RAB5A: variants seen among roughly 807,000 people sequenced by gnomAD.
The protein encoded by RAB5A is ras-related protein Rab-5A.
RAB5A carries 8 observed loss-of-function variants against 25.7 expected under a neutral mutation model. The ratio of observed to expected loss-of-function variants is 0.31; its 90% confidence interval spans 0.18 to 0.56. RAB5A has a LOEUF of 0.56. Ranked by LOEUF, RAB5A falls within the 20% of genes least tolerant of loss-of-function variation. RAB5A has a pLI of 0.91. For synonymous variants in RAB5A, 98 were observed against 89.8 expected (o/e 1.09, Z -0.52); for missense variants, 192 against 259.7 (o/e 0.74, Z 1.79).
At chr3:19,964,753 A>G (rs1288251427) in intron 2 of RAB5A, among the ~76,000 whole-genome samples, 1 of 152,134 alleles carries the variant, frequency 6.6e-6, no homozygotes, top group Non-Finnish European at 1.5e-5. Flanking sequence ...CTGGGACTAC[A>G]GGCGCATGTC....
intron 5 of RAB5A, 122 bp downstream of exon 5, chr3:19,978,525 G>A: frequency 3.2e-6 from 2 of 631,816 alleles, no homozygotes; most frequent in South Asian, 2.0e-5. Context: ...GTTTATGTGT[G>A]TGTGTGAGAG....
intron 5 of RAB5A, among the ~76,000 whole-genome samples, chr3:19,980,725 C>T (rs1696909695): frequency 6.6e-6 from 1 of 152,120 alleles, no homozygotes; most frequent in African/African-American, 2.4e-5. Context: ...TTCAACATTT[C>T]TGGGGCTTTG....
chr3:19,960,398 C>G (rs567056698), intron 2 of RAB5A, among the ~76,000 whole-genome samples: 1 of 152,130 alleles, frequency 6.6e-6, no homozygotes, highest in Admixed American at 6.6e-5. Context: ...CTTCTGGGCT[C>G]CAGCCATCTT....
At chr3:19,981,082 G>A (rs992807689) in intron 5 of RAB5A, among the ~76,000 whole-genome samples, 5 of 152,138 alleles carry the variant, frequency 3.3e-5, no homozygotes, top group African/African-American at 7.2e-5. Context: ...AGATCAGTGT[G>A]TGCAGCCACT....
chr3:19,975,932 C>G, intron 3 of RAB5A, 115 bp from the exon 4 acceptor site: 1 of 1,400,108 alleles, frequency 7.1e-7, no homozygotes, highest in Non-Finnish European at 9.6e-7. Context: ...TACAATAGTC[C>G]TAATAATTTC....
chr3:19,980,494 G>C (rs1462291488), intron 5 of RAB5A, among the ~76,000 whole-genome samples: 1 of 148,002 alleles, frequency 6.8e-6, no homozygotes, highest in Non-Finnish European at 1.5e-5. Context: ...TGATAGATTA[G>C]TAACTTAAAT....
At chr3:19,981,789 G>GT (rs1479727749) in intron 5 of RAB5A, among the ~76,000 whole-genome samples, 7 of 152,044 alleles carry the variant, frequency 4.6e-5, no homozygotes, top group African/African-American at 1.7e-4. Context: ...AGGTAAAGCC[G>GT]TAACTGCTGG....
At chr3:19,977,674 C>G (rs1368803859) in intron 4 of RAB5A, among the ~76,000 whole-genome samples, 2 of 152,134 alleles carry the variant, frequency 1.3e-5, no homozygotes, top group Non-Finnish European at 2.9e-5. Flanking sequence ...GTGGCCCTGT[C>G]ACATAACAGT....
In RAB5A at chr3:19,983,797, AC is replaced by A; in HGVS notation, c.624del (p.Arg209GlyfsTer12). On this transcript the variant is annotated frameshift_variant, in exon 6 of 6. Transcript: ENST00000273047. LOFTEE classifies it high-confidence loss of function. ...AGACCTTACCGAACCCACACAACCA[AC>A]CAGGAATCAGTGTTGTAGTAACTAA... ...GVDLTEPTQP[T>X]RNQCCSN 6.2e-7 allele frequency: 1 copy of A among 1,608,958 alleles called. No homozygotes were observed. Among genetic ancestry groups the A allele is most frequent in the Non-Finnish European group, 8.5e-7 (1 of 1,176,070 alleles).
chr3:19,980,862 A>C (rs1696912293), intron 5 of RAB5A, among the ~76,000 whole-genome samples: 1 of 152,224 alleles, frequency 6.6e-6, no homozygotes, highest in African/African-American at 2.4e-5. Flanking sequence ...CTGGCTCCCA[A>C]ATCCATTGCC....
intron 2 of RAB5A, among the ~76,000 whole-genome samples, chr3:19,969,035 T>TTG (rs1696703243): frequency 8.2e-6 from 1 of 121,790 alleles, no homozygotes; most frequent in African/African-American, 3.4e-5. Flanking sequence ...GTTTTGGTTT[T>TTG]TTTTTTTTGG....
chr3:19,980,466 T>G (rs1696903476), intron 5 of RAB5A, among the ~76,000 whole-genome samples: 2 of 152,068 alleles, frequency 1.3e-5, no homozygotes, highest in South Asian at 4.1e-4. Context: ...TTTTTTTTTT[T>G]GTTATGAAGG....
chr3:19,978,440 G>C (rs776897113), intron 5 of RAB5A, 37 bp downstream of exon 5: 1 of 1,460,134 alleles, frequency 6.8e-7, no homozygotes, highest in South Asian at 1.2e-5. Flanking sequence ...ATCAATATAA[G>C]CAAAACAAGT....
rs1696875166 is a variant in RAB5A, at chr3:19,979,189, C to G, written c.532+786C>G. Among the ~76,000 whole-genome samples the G allele has an allele frequency of 2.6e-5, 4 of 151,974 alleles. No homozygotes were observed. In the South Asian group the frequency reaches 6.2e-4, roughly 24 times the overall value. On this transcript the variant is annotated intron_variant, in intron 5 of 5. Coordinates refer to ENST00000273047, the MANE Select transcript of RAB5A (RefSeq NM_004162.5). ...ACAGGGTTTCACCATGTTGGTCAGG[C>G]TGGTCTCGAACTCCTGATCTCGTGA...
chr3:19,970,208 T>TTTTAA (rs1696725495), intron 2 of RAB5A, among the ~76,000 whole-genome samples: 1 of 152,250 alleles, frequency 6.6e-6, no homozygotes, highest in Non-Finnish European at 1.5e-5. Flanking sequence ...CCACTTTGTT[T>TTTTAA]TTTAATTATT....
chr3:19,965,273 T>A (rs926907231), intron 2 of RAB5A, among the ~76,000 whole-genome samples: 12 of 152,122 alleles, frequency 7.9e-5, no homozygotes, highest in African/African-American at 2.9e-4. Context: ...ATACCTAGTG[T>A]TAGCCGGGTG....
chr3:19,976,348 A>G (rs1327675318), intron 4 of RAB5A, among the ~76,000 whole-genome samples, 179 bp downstream of exon 4: 1 of 152,230 alleles, frequency 6.6e-6, no homozygotes, highest in Non-Finnish European at 1.5e-5. Flanking sequence ...AAATTTTTAA[A>G]TAGATTATTG....
intron 2 of RAB5A, among the ~76,000 whole-genome samples, chr3:19,954,879 A>G (rs1444426797): frequency 6.6e-6 from 1 of 152,188 alleles, no homozygotes; most frequent in Non-Finnish European, 1.5e-5. Flanking sequence ...CTACCCCTAT[A>G]GCACTTCTGA....
intron 5 of RAB5A, among the ~76,000 whole-genome samples, chr3:19,982,569 G>T (rs775812923): frequency 6.6e-6 from 1 of 152,236 alleles, no homozygotes; most frequent in South Asian, 2.1e-4. Context: ...AAACTAAGCG[G>T]TCGAGCATGG....
Sources: gnomAD v4.1 joint callset for allele counts (sites outside exome capture counted in the v4.1 genomes callset) on GRCh38, gnomAD v4.1.1 for gene constraint, MANE v1.5 for transcripts, NCBI Gene and HGNC (gene_info 2026-07-23, HGNC 2026-07-21) for gene names.